PHF24: variants seen among roughly 807,000 people sequenced by gnomAD.
PHF24 encodes PHD finger protein 24.
PHF24 carries 25 observed loss-of-function variants against 42.6 expected under a neutral mutation model. That is an observed-to-expected ratio of 0.59 (90% CI 0.43 to 0.82). The LOEUF (loss-of-function observed/expected upper bound fraction) is 0.82. PHF24 is among the 40% of genes least tolerant of loss of function. The pLI is 0.00. For synonymous variants in PHF24, 185 were observed against 204.8 expected (o/e 0.90, Z 0.83); for missense variants, 470 against 538.1 (o/e 0.87, Z 1.25).
At chr9:34,763,768 C>A in the PHF24 span, among the ~76,000 whole-genome samples, 1 of 152,152 alleles carries the variant, frequency 6.6e-6, no homozygotes, top group East Asian at 1.9e-4. Flanking sequence ...GCATCCCTGT[C>A]TTGTGCCAGT....
chr9:34,951,904 C>A, the PHF24 span, among the ~76,000 whole-genome samples: 3 of 152,216 alleles, frequency 2.0e-5, no homozygotes, highest in Non-Finnish European at 4.4e-5. Flanking sequence ...CTTAACCTAA[C>A]AAAGAGCTTC....
chr9:34,982,197 G>T (rs1276453594), exon 8 of PHF24: 4 of 152,160 alleles, frequency 2.6e-5, no homozygotes, highest in Non-Finnish European at 5.9e-5. Context: ...AAGTAGCCAG[G>T]CCTTTTCATA....
At chr9:34,945,141 T>G in the PHF24 span, among the ~76,000 whole-genome samples, 1 of 152,118 alleles carries the variant, frequency 6.6e-6, no homozygotes, top group African/African-American at 2.4e-5. Context: ...CCAGGTAACC[T>G]CTAGTGAAAT....
At chr9:34,731,912 G>A in the PHF24 span, among the ~76,000 whole-genome samples, 46 of 152,006 alleles carry the variant, frequency 3.0e-4, 1 homozygote, top group African/African-American at 8.4e-4. Context: ...GTGCAGTGGC[G>A]TGATCATGGC....
At chr9:34,741,172 C>T in the PHF24 span, among the ~76,000 whole-genome samples, 1 of 151,938 alleles carries the variant, frequency 6.6e-6, no homozygotes, top group South Asian at 2.1e-4. Context: ...AGGCATGAGC[C>T]ACTGCGCCTG....
the PHF24 span, among the ~76,000 whole-genome samples, chr9:34,699,678 G>A: frequency 6.6e-6 from 1 of 152,130 alleles, no homozygotes; most frequent in African/African-American, 2.4e-5. Flanking sequence ...AGCAGGAAAG[G>A]GTGAAATAAT....
chr9:34,972,878 C>T (rs1278632667), intron 3 of PHF24, among the ~76,000 whole-genome samples: 1 of 143,314 alleles, frequency 7.0e-6, no homozygotes, highest in Non-Finnish European at 1.5e-5. Context: ...CGCGCCACTG[C>T]ACTCCAGCCT....
chr9:34,947,916 G>T, the PHF24 span, among the ~76,000 whole-genome samples: 1 of 152,114 alleles, frequency 6.6e-6, no homozygotes, highest in African/African-American at 2.4e-5. Context: ...AGACCATCCT[G>T]ACTAACACGG....
At chr9:34,738,919 G>C in the PHF24 span, among the ~76,000 whole-genome samples, 1 of 152,294 alleles carries the variant, frequency 6.6e-6, no homozygotes, top group South Asian at 2.1e-4. Context: ...TGATGGAGAA[G>C]AACAGACAGT....
the PHF24 span, chr9:34,922,056 A>C: frequency 1.0e-4 from 85 of 838,902 alleles, 3 homozygotes; most frequent in South Asian, 1.3e-3. Context: ...CGTGGGAAAT[A>C]TAGAAATTCA....
At chr9:34,957,879 C>T (rs1477469846), upstream of PHF24, among the ~76,000 whole-genome samples, 1 of 152,012 alleles carries the variant, frequency 6.6e-6, no homozygotes, top group African/African-American at 2.4e-5. Flanking sequence ...CCCCAGCGCC[C>T]CCAAGGCGCC....
At chr9:34,709,798 C>T in the PHF24 span, 1 of 1,614,204 alleles carries the variant, frequency 6.2e-7, no homozygotes, top group South Asian at 1.1e-5. Context: ...GATGGAGCAG[C>T]CTAAGCTTGG....
the PHF24 span, among the ~76,000 whole-genome samples, chr9:34,791,131 A>G: frequency 3.3e-5 from 5 of 152,244 alleles, no homozygotes; most frequent in African/African-American, 4.8e-5. Context: ...ATGCTCTTTG[A>G]GAACTGACTA....
At chr9:34,719,848 A>C in the PHF24 span, among the ~76,000 whole-genome samples, 1 of 152,178 alleles carries the variant, frequency 6.6e-6, no homozygotes, top group African/African-American at 2.4e-5. Flanking sequence ...ATCTTTGGGA[A>C]TGCTTTAGGA....
chr9:34,969,639 T>C (rs1357381701), intron 1 of PHF24, among the ~76,000 whole-genome samples: 1 of 139,188 alleles, frequency 7.2e-6, no homozygotes, highest in African/African-American at 2.8e-5. Flanking sequence ...AGACTCTGTC[T>C]CAAAAAAAAA....
chr9:34,817,741 T>C, the PHF24 span, among the ~76,000 whole-genome samples: 1 of 152,210 alleles, frequency 6.6e-6, no homozygotes, highest in African/African-American at 2.4e-5. Context: ...TTTTTTTCTT[T>C]TATGGATCAT....
the PHF24 span, among the ~76,000 whole-genome samples, chr9:34,675,716 C>T: frequency 1.3e-5 from 2 of 152,140 alleles, no homozygotes; most frequent in East Asian, 1.9e-4. Context: ...CAGTTTGGGT[C>T]ACTCTGAACC....
the PHF24 span, among the ~76,000 whole-genome samples, chr9:34,811,269 T>C: frequency 3.3e-5 from 5 of 152,350 alleles, no homozygotes; most frequent in East Asian, 9.6e-4. Flanking sequence ...GTTTAAGAGC[T>C]ACTATGGTTT....
chr9:34,705,796 G>T, the PHF24 span, among the ~76,000 whole-genome samples: 1 of 152,078 alleles, frequency 6.6e-6, no homozygotes, highest in Non-Finnish European at 1.5e-5. Flanking sequence ...AAGCAGAGTG[G>T]CTCATGGCTG....
Sources: allele counts gnomAD v4.1 joint callset (sites outside exome capture counted in the v4.1 genomes callset), GRCh38; gene constraint gnomAD v4.1.1; transcripts MANE v1.5; gene names NCBI Gene and HGNC (gene_info 2026-07-23, HGNC 2026-07-21).